NXF1: variants seen among roughly 807,000 people sequenced by gnomAD.
The protein encoded by NXF1 is nuclear RNA export factor 1.
NXF1 carries 43 observed loss-of-function variants against 92.4 expected under a neutral mutation model. That is an observed-to-expected ratio of 0.47 (90% CI 0.36 to 0.60). The LOEUF is 0.60. NXF1 is among the 20% of genes least tolerant of loss of function. NXF1 has a pLI of 0.00. For synonymous variants in NXF1, 288 were observed against 292.2 expected, an observed-to-expected ratio of 0.99 and a Z score of 0.15; for missense variants, 576 against 793.0, an observed-to-expected ratio of 0.73 and a Z score of 3.29.
rs199769585 is a variant in NXF1, at chr11:62,801,565, G to C, written c.706C>G (p.Pro236Ala). Residue 236 changes from proline to alanine, a missense_variant, in exon 7 of 21, where the codon CCA (proline) becomes GCA (alanine). Around this residue, in one of 2 missense-constraint regions of NXF1, gnomAD observed 425 missense variants for 635.2 expected, o/e 0.67. Coordinates refer to ENST00000294172, the MANE Select transcript of NXF1 (RefSeq NM_006362.5). Reference sequence around the variant, plus strand: ...GAACTACTGCTGTCAACCATACCTGGGTCTGAACGGAGGCCTTTGAGGTCA... The same window carrying C: ...GAACTACTGCTGTCAACCATACCTGCGTCTGAACGGAGGCCTTTGAGGTCA... ...ALDLKGLRSD[P>A]DLVAQNIDVV... The C allele has an allele frequency of 1.1e-4, 181 of 1,614,086 alleles. 1 individual carries two copies. In the Admixed American group the frequency reaches 2.0e-3, roughly 18 times the overall value.
Position 62,805,418 on chromosome 11 carries a change from TC to T in NXF1, c.-63del, listed in dbSNP as rs1000854383. ...CCGCTACGCCGGCAAACAACCTAAC[TC>T]CCAAGCGCTCAGGACCGAAGTGTCC... On this transcript the variant is annotated 5_prime_UTR_variant, in exon 1 of 21. Coordinates refer to ENST00000294172, the MANE Select transcript of NXF1 (RefSeq NM_006362.5). 6.2e-6 allele frequency: 10 copies of T among 1,604,058 alleles called. No homozygotes were observed. The highest frequency in any genetic ancestry group is 1.7e-5 in the Admixed American group (1 of 58,804).
At chr11:62,792,810 T>C (rs758629298) in intron 19 of NXF1, 109 bp from the exon 20 acceptor site, 2 of 879,976 alleles carry the variant, frequency 2.3e-6, no homozygotes, top group Admixed American at 4.1e-5. Context: ...TACATTCTTA[T>C]ACATCCTTGC....
Position 62,804,016 on chromosome 11 carries a change from A to C in NXF1, c.29-38T>G, listed in dbSNP as rs778823631. The C allele has an allele frequency of 3.1e-6, 5 of 1,605,364 alleles. No individual in the cohort carries two copies. In the African/African-American group the frequency reaches 6.7e-5, roughly 21 times the overall value. On this transcript the variant is annotated intron_variant, in intron 1 of 20. Coordinates refer to ENST00000294172, the MANE Select transcript of NXF1 (RefSeq NM_006362.5). ...ACAGGAACACAAATTAGAAGTAAGT[A>C]ACTGGTCCGGTTTGGTGTGGCAATC...
At chr11:62,804,672 G>A (rs1343982717) in intron 1 of NXF1, among the ~76,000 whole-genome samples, 1 of 152,154 alleles carries the variant, frequency 6.6e-6, no homozygotes, top group South Asian at 2.1e-4. Context: ...AACATAGAAG[G>A]CGCAGCTAAC....
intron 9 of NXF1, among the ~76,000 whole-genome samples, chr11:62,800,855 G>A: frequency 6.6e-6 from 1 of 152,024 alleles, no homozygotes; most frequent in South Asian, 2.1e-4. Context: ...CTGCAGCCTT[G>A]AACTCCTGAG....
At position 62,803,408 on chromosome 11, in the gene NXF1, A is replaced by C; in HGVS notation, c.369+11T>G. ...TCTCTACTGTACCATCTACTTTCTC[A>C]AAGTACTCACTGTAATCTTGAACCA... On this transcript the variant is annotated intron_variant, in intron 3 of 20. Coordinates refer to ENST00000294172, the MANE Select transcript of NXF1 (RefSeq NM_006362.5). The C allele has an allele frequency of 6.2e-7, 1 of 1,612,884 alleles. No homozygotes were observed. The highest frequency in any genetic ancestry group is 8.5e-7 in the Non-Finnish European group (1 of 1,179,454).
At chr11:62,793,925 C>T (rs1038211969) in intron 19 of NXF1, among the ~76,000 whole-genome samples, 2 of 150,906 alleles carry the variant, frequency 1.3e-5, no homozygotes, top group East Asian at 1.9e-4. Context: ...TGCTTGAACC[C>T]GGGAGGCAGA....
At chr11:62,794,144 G>A (rs1165116207) in intron 19 of NXF1, 114 bp downstream of exon 19, 6 of 901,846 alleles carry the variant, frequency 6.7e-6, no homozygotes, top group African/African-American at 1.7e-5. Flanking sequence ...CAGCCTGGAT[G>A]ACAGCGCAAG....
Position 62,797,175 on chromosome 11 carries a change from A to G in NXF1, c.1178+8T>C. 1 of 1,613,690 alleles carries G rather than the reference A, an allele frequency of 6.2e-7. No individual in the cohort carries two copies. Among genetic ancestry groups the G allele is most frequent in the South Asian group, 1.1e-5 (1 of 91,062 alleles). ...CGGGGTGGGGAGGGGGGACCCTGGG[A>G]TACTTACTGTTGCAGGAAGTGCAAG... On this transcript the variant is annotated splice_region_variant and intron_variant, in intron 13 of 20. Coordinates refer to ENST00000294172, the MANE Select transcript of NXF1 (RefSeq NM_006362.5).
chr11:62,802,598 C>T (rs1277255010), intron 3 of NXF1, among the ~76,000 whole-genome samples: 6 of 151,994 alleles, frequency 3.9e-5, no homozygotes, highest in South Asian at 2.1e-4. Flanking sequence ...CTACCATGCC[C>T]GGCTAATTTT....
Position 62,797,205 on chromosome 11 carries a change from G to A in NXF1, c.1156C>T (p.Leu386=). 6.2e-7 allele frequency: 1 copy of A among 1,614,194 alleles called. No individual in the cohort carries two copies. Among genetic ancestry groups the A allele is most frequent in the Middle Eastern group, 1.6e-4 (1 of 6,062 alleles). Residue 386 remains leucine (L), a synonymous_variant, in exon 13 of 21, where the codon CTG becomes TTG. Transcript: ENST00000294172. ...TACTGTTGCAGGAAGTGCAAGACCA[G>A]ACTCTTCAAGTTTTCTGTTCCAAAA... ...SYFGTENLKS[L]VLHFLQQYYA...
chr11:62,792,418 AGACG>A lies in NXF1; in HGVS notation c.*54_*57del. ...CAGGAGGAGATGACAGACGACAACC[AGACG>A]GTAATATCCAAGGACTATTTACAGG... On this transcript the variant is annotated 3_prime_UTR_variant, in exon 21 of 21. Coordinates refer to ENST00000294172, the MANE Select transcript of NXF1 (RefSeq NM_006362.5). 1.2e-6 allele frequency: 2 copies of A among 1,604,212 alleles called. No individual in the cohort carries two copies. Among genetic ancestry groups the A allele is most frequent in the Non-Finnish European group, 1.7e-6 (2 of 1,170,966 alleles).
At chr11:62,794,552 C>T (rs994225799) in intron 18 of NXF1, 112 bp from the exon 19 acceptor site, 10 of 894,686 alleles carry the variant, frequency 1.1e-5, no homozygotes, top group Non-Finnish European at 1.7e-5. Flanking sequence ...CCACTCTTAG[C>T]TATTGTTACC....
intron 9 of NXF1, 55 bp downstream of exon 9, chr11:62,801,037 ACT>A: frequency 1.5e-6 from 2 of 1,327,644 alleles, no homozygotes; most frequent in Non-Finnish European, 1.1e-6. Flanking sequence ...CACTGGACAA[ACT>A]CTCTACACCC....
Position 62,792,365 on chromosome 11 carries a change from C to G in NXF1, c.*111G>C. 2 of 1,342,760 alleles carry G rather than the reference C, an allele frequency of 1.5e-6. No homozygotes were observed. The highest frequency in any genetic ancestry group is 2.3e-5 in the South Asian group (2 of 85,658). The allele number at this position is 1,342,760 out of a possible 1,614,324, so 83.2% of individuals were successfully genotyped here. ...ATCAGGCAGCCCTCCCTCCCTCGGT[C>G]ACAGTCACGGGGCGGCCTCGGGCCA... On this transcript the variant is annotated 3_prime_UTR_variant, in exon 21 of 21. Transcript: ENST00000294172.
chr11:62,800,448 C>T lies in NXF1; in HGVS notation c.945G>A (p.Leu315=), dbSNP rs766998737. ...SERELDKIKG[L]KLEELWLDGN... is the part of the protein sequence containing the mutation. ...CATCGAGCCAGAGCTCTTCTAGCTT[C>T]AGCCCCTTTATCTTGTCCAATTCCC... The change falls in exon 10 of 21, where the codon CTG becomes CTA. Residue 315 remains leucine (L), a synonymous_variant. Transcript: ENST00000294172. The T allele has an allele frequency of 5.6e-6, 9 of 1,614,090 alleles. No homozygotes were observed. The highest frequency in any genetic ancestry group is 7.6e-6 in the Non-Finnish European group (9 of 1,179,978).
chr11:62,796,634 C>G, intron 13 of NXF1, 67 bp from the exon 14 acceptor site: 1 of 1,069,938 alleles, frequency 9.3e-7, no homozygotes, highest in Non-Finnish European at 1.4e-6. Flanking sequence ...CCCAGTAGCT[C>G]CCAAGAGTGA....
At chr11:62,792,568 C>T in intron 20 of NXF1, 54 bp from the exon 21 acceptor site, 1 of 1,610,548 alleles carries the variant, frequency 6.2e-7, no homozygotes, top group Non-Finnish European at 8.5e-7. Context: ...ACTCAGCAAC[C>T]CCACTCAGCT....
intron 19 of NXF1, among the ~76,000 whole-genome samples, chr11:62,793,771 C>A (rs929218112): frequency 1.4e-5 from 2 of 138,454 alleles, no homozygotes; most frequent in Non-Finnish European, 3.0e-5. Flanking sequence ...ATCACAAGGT[C>A]AGGAGTTCGA....
Sources: allele counts gnomAD v4.1 joint callset (sites outside exome capture counted in the v4.1 genomes callset), GRCh38; gene constraint gnomAD v4.1.1; regional missense constraint gnomAD v4.1.1; transcripts MANE v1.5; gene names NCBI Gene and HGNC (gene_info 2026-07-23, HGNC 2026-07-21).